EEF2K: variants seen among roughly 807,000 people sequenced by gnomAD.
EEF2K encodes eukaryotic elongation factor 2 kinase.
In EEF2K, 70 loss-of-function variants were observed where a neutral mutation model predicts 93.8. The observed-to-expected ratio is 0.75, with a 90% CI of 0.62 to 0.91. The LOEUF is 0.91. EEF2K is among the 40% of genes least tolerant of loss of function. EEF2K has a pLI of 0.00. For missense variants in EEF2K, 935 were observed against 972.9 expected, an observed-to-expected ratio of 0.96 and a Z score of 0.52; for synonymous variants, 376 against 380.8, an observed-to-expected ratio of 0.99 and a Z score of 0.15.
At chr16:22,251,414 TTC>T in intron 6 of EEF2K, 92 bp downstream of exon 6, 6 of 1,390,670 alleles carry the variant, frequency 4.3e-6, no homozygotes, top group Middle Eastern at 5.0e-4. Context: ...CTATTTCACC[TTC>T]TTTTTTTTTT....
intron 2 of EEF2K, among the ~76,000 whole-genome samples, chr16:22,235,374 AATC>A (rs761313106): frequency 6.6e-6 from 1 of 152,294 alleles, no homozygotes; most frequent in South Asian, 2.1e-4. Context: ...GCAAGCAAGA[AATC>A]ATCATGTCTT....
chr16:22,223,558 T>G (rs2047035705), intron 1 of EEF2K, among the ~76,000 whole-genome samples: 1 of 152,192 alleles, frequency 6.6e-6, no homozygotes, highest in Admixed American at 6.6e-5. Context: ...TCAACTTCAT[T>G]TTTTTGCATG....
intron 1 of EEF2K, among the ~76,000 whole-genome samples, chr16:22,218,197 C>T (rs1432854298): frequency 1.3e-5 from 2 of 152,242 alleles, no homozygotes; most frequent in African/African-American, 4.8e-5. Flanking sequence ...CTCCTGAACA[C>T]ATGACTCGAG....
At chr16:22,212,410 G>A (rs1184794003) in intron 1 of EEF2K, among the ~76,000 whole-genome samples, 2 of 151,444 alleles carry the variant, frequency 1.3e-5, no homozygotes, top group Non-Finnish European at 2.9e-5. Flanking sequence ...TGCAACCTCC[G>A]CCTCCCAGGT....
At chr16:22,264,291 A>C (rs1382937390) in intron 12 of EEF2K, among the ~76,000 whole-genome samples, 3 of 52,312 alleles carry the variant, frequency 5.7e-5, no homozygotes, top group East Asian at 2.0e-3. Flanking sequence ...GACTGTCTCA[A>C]AAAAAAAAAA....
intron 4 of EEF2K, among the ~76,000 whole-genome samples, chr16:22,249,785 T>A (rs780790698): frequency 4.0e-4 from 59 of 145,926 alleles, no homozygotes; most frequent in Non-Finnish European, 6.5e-4. Flanking sequence ...TTTTTAAAAA[T>A]TTTTTTTTTT....
At chr16:22,227,459 G>A (rs1056493059) in intron 2 of EEF2K, among the ~76,000 whole-genome samples, 1 of 152,066 alleles carries the variant, frequency 6.6e-6, no homozygotes, top group African/African-American at 2.4e-5. Context: ...CTGGCCTCAA[G>A]TGATCCACCT....
chr16:22,250,675 A>G lies in EEF2K; in HGVS notation c.430A>G (p.Arg144Gly), dbSNP rs894152745. 6.2e-7 allele frequency: 1 copy of G among 1,614,178 alleles called. No homozygotes were observed. Among genetic ancestry groups the G allele is most frequent in the Non-Finnish European group, 8.5e-7 (1 of 1,180,026 alleles). ...ASQPFGRGAM[R>G]ECFRTKKLSN... is the part of the protein sequence containing the mutation. ...TCAGCCCTTCGGCCGAGGAGCAATG[A>G]GGGAGTGCTTCCGGACGTAAGTGAC... Residue 144 changes from arginine to glycine, a missense_variant, in exon 5 of 18, where the codon AGG becomes GGG. By Grantham distance (125) the Arg-to-Gly change is moderately radical (BLOSUM62 -2). Transcript: ENST00000263026.
intron 1 of EEF2K, among the ~76,000 whole-genome samples, chr16:22,222,581 C>T (rs942833519): frequency 8.6e-5 from 13 of 150,846 alleles, no homozygotes; most frequent in Non-Finnish European, 1.8e-4. Flanking sequence ...TTAAAATGTA[C>T]GATTCTGGCT....
chr16:22,238,749 G>A (rs2047193453), intron 2 of EEF2K, among the ~76,000 whole-genome samples: 2 of 151,976 alleles, frequency 1.3e-5, no homozygotes, highest in South Asian at 2.1e-4. Flanking sequence ...GAATGGCTGG[G>A]TCAGAAGTCG....
chr16:22,274,518 C>G (rs552950719), intron 16 of EEF2K, among the ~76,000 whole-genome samples: 1 of 151,780 alleles, frequency 6.6e-6, no homozygotes, highest in Non-Finnish European at 1.5e-5. Flanking sequence ...AATGATTTGC[C>G]TGAGAAAAAA....
At chr16:22,238,575 G>C (rs2047191035) in intron 2 of EEF2K, among the ~76,000 whole-genome samples, 3 of 149,200 alleles carry the variant, frequency 2.0e-5, no homozygotes, top group African/African-American at 7.4e-5. Context: ...GAGCCCAGGA[G>C]TTGGAGGCTT....
intron 7 of EEF2K, 130 bp downstream of exon 7, chr16:22,257,027 A>G: frequency 6.9e-7 from 1 of 1,449,720 alleles, no homozygotes; most frequent in Admixed American, 2.3e-5. Flanking sequence ...CTCTTGGAGC[A>G]TTCAGAAGGA....
At chr16:22,211,364 T>TC (rs2046911619) in intron 1 of EEF2K, among the ~76,000 whole-genome samples, 1 of 152,188 alleles carries the variant, frequency 6.6e-6, no homozygotes, top group South Asian at 2.1e-4. Context: ...AGCCAGTCTT[T>TC]CCCACTACGA....
chr16:22,221,876 T>C (rs1444361927), intron 1 of EEF2K, among the ~76,000 whole-genome samples: 1 of 152,016 alleles, frequency 6.6e-6, no homozygotes, highest in African/African-American at 2.4e-5. Flanking sequence ...TCAAGGCCAC[T>C]GTGGCCAACA....
chr16:22,253,379 C>A (rs987290653), intron 6 of EEF2K, among the ~76,000 whole-genome samples: 1 of 152,142 alleles, frequency 6.6e-6, no homozygotes, highest in Non-Finnish European at 1.5e-5. Context: ...TTGAGGCAGG[C>A]GCAAGAAGCC....
intron 2 of EEF2K, among the ~76,000 whole-genome samples, chr16:22,234,880 T>C (rs2047152047): frequency 7.2e-6 from 1 of 138,184 alleles, no homozygotes; most frequent in Admixed American, 7.3e-5. Context: ...TTTGTTGCTT[T>C]TTTTTTTTTT....
chr16:22,213,584 A>G (rs1477549057), intron 1 of EEF2K, among the ~76,000 whole-genome samples: 1 of 152,204 alleles, frequency 6.6e-6, no homozygotes, highest in Admixed American at 6.5e-5. Flanking sequence ...GCAATTACTT[A>G]GTGGCTTTAA....
In EEF2K at chr16:22,287,490, G is replaced by A. The variant is rs764817026; in HGVS notation, c.*3494G>A. The A allele has an allele frequency of 2.0e-5, 3 of 152,176 alleles. No homozygotes were observed. The highest frequency in any genetic ancestry group is 4.4e-5 in the Non-Finnish European group (3 of 68,024). 9.4% of individuals were successfully genotyped at this position (152,176 alleles called of 1,614,324 possible). ...CATCCAGTACTTTCATTTCACAAATGGAGAAACCGAGGTTCTGCCAGCTAG... is the reference window on the plus strand; with the variant it reads ...CATCCAGTACTTTCATTTCACAAATAGAGAAACCGAGGTTCTGCCAGCTAG... On this transcript the variant is annotated 3_prime_UTR_variant, in exon 18 of 18. Coordinates refer to ENST00000263026, the MANE Select transcript of EEF2K (RefSeq NM_013302.5).
Sources: gnomAD v4.1 joint callset for allele counts (sites outside exome capture counted in the v4.1 genomes callset) on GRCh38, gnomAD v4.1.1 for gene constraint, MANE v1.5 for transcripts, NCBI Gene and HGNC (gene_info 2026-07-23, HGNC 2026-07-21) for gene names.